The following SLC41A3 variants were observed in gnomAD, a reference collection of about 807,000 sequenced individuals.
SLC41A3 encodes the protein solute carrier family 41 member 3.
Under a neutral mutation model 45.4 loss-of-function variants are expected in SLC41A3, and 44 were observed. The observed-to-expected ratio is 0.97, with a 90% CI of 0.76 to 1.25. The LOEUF is 1.25. Ranked by LOEUF, SLC41A3 falls within the 50% of genes most tolerant of loss-of-function variation. The probability of loss-of-function intolerance (pLI) is 0.00; values close to 1 mark genes in which losing one functional copy is unlikely to be tolerated. For synonymous variants in SLC41A3, 256 were observed against 252.4 expected, an observed-to-expected ratio of 1.01 and a Z score of -0.13; for missense variants, 550 against 600.6, an observed-to-expected ratio of 0.92 and a Z score of 0.88.
intron 1 of SLC41A3, among the ~76,000 whole-genome samples, chr3:126,097,394 C>G (rs1169646539): frequency 6.6e-6 from 1 of 152,148 alleles, no homozygotes; most frequent in African/African-American, 2.4e-5. Flanking sequence ...ATGGCCTCTC[C>G]CTGGCGCTGT....
At chr3:126,084,205 G>C (rs1452829532), upstream of SLC41A3, 1 of 151,984 alleles carries the variant, frequency 6.6e-6, no homozygotes, top group Non-Finnish European at 1.5e-5. Context: ...GCCCCGGCCG[G>C]GCGGCCGGAC....
At chr3:126,008,341 T>C (rs1301065710) in intron 10 of SLC41A3, among the ~76,000 whole-genome samples, 1 of 152,154 alleles carries the variant, frequency 6.6e-6, no homozygotes, top group African/African-American at 2.4e-5. Flanking sequence ...ATGCAGTGTG[T>C]AGTGTGTGTG....
intron 6 of SLC41A3, among the ~76,000 whole-genome samples, chr3:126,017,761 T>C (rs780214488): frequency 6.6e-4 from 101 of 152,104 alleles, no homozygotes; most frequent in Non-Finnish European, 1.2e-3. Context: ...CTGGGGGTGT[T>C]ATCAGGAACA....
intron 3 of SLC41A3, among the ~76,000 whole-genome samples, chr3:126,046,902 C>T (rs1942996132): frequency 6.9e-6 from 1 of 145,132 alleles, no homozygotes; most frequent in Admixed American, 7.1e-5. Flanking sequence ...GTGGAGGTTG[C>T]AGTGAGTTGA....
intron 3 of SLC41A3, among the ~76,000 whole-genome samples, chr3:126,035,830 C>T (rs533151161): frequency 1.3e-5 from 2 of 152,114 alleles, no homozygotes; most frequent in South Asian, 4.2e-4. Flanking sequence ...TGTTTGTCGC[C>T]ACCCACGAGG....
chr3:126,032,254 T>A (rs1207770343), intron 4 of SLC41A3, among the ~76,000 whole-genome samples: 1 of 152,170 alleles, frequency 6.6e-6, no homozygotes, highest in Non-Finnish European at 1.5e-5. Flanking sequence ...GCCACCCAGG[T>A]GGCCAGGAGG....
At chr3:126,080,127 T>C (rs1945078325) in intron 1 of SLC41A3, among the ~76,000 whole-genome samples, 1 of 152,156 alleles carries the variant, frequency 6.6e-6, no homozygotes, top group South Asian at 2.1e-4. Context: ...TAGAAAATAT[T>C]GGGGAAATTT....
At chr3:126,049,083 G>A (rs893570484) in intron 3 of SLC41A3, among the ~76,000 whole-genome samples, 13 of 150,680 alleles carry the variant, frequency 8.6e-5, no homozygotes, top group East Asian at 3.9e-4. Context: ...GGTGGATCAC[G>A]AGGTCGGAAG....
Position 126,016,867 on chromosome 3 carries a change from A to G in SLC41A3, c.754T>C (p.Tyr252His). 1 of 1,612,336 alleles carries G rather than the reference A, an allele frequency of 6.2e-7. No individual in the cohort carries two copies. The highest frequency in any genetic ancestry group is 8.5e-7 in the Non-Finnish European group (1 of 1,179,864). ...CTGAGGCAGACCAGCGGCGTCAGAT[A>G]CCGACTATCTGAAAGGAGAACAGGG... ...SFFYRHKDSR[Y>H]LTPLVCLSFA... Residue 252 changes from tyrosine to histidine, a missense_variant, in exon 7 of 11, where the codon TAT (tyrosine) becomes CAT (histidine). Coordinates refer to ENST00000360370, the MANE Select transcript of SLC41A3 (RefSeq NM_017836.4).
intron 3 of SLC41A3, among the ~76,000 whole-genome samples, chr3:126,044,919 A>AAAAAAAC (rs1942862013): frequency 1.4e-5 from 2 of 145,120 alleles, no homozygotes; most frequent in African/African-American, 5.1e-5. Flanking sequence ...AAAAAAAAAA[A>AAAAAAAC]AAAAATCATA....
chr3:126,056,462 C>G (rs763079045), intron 2 of SLC41A3: 1 of 1,614,246 alleles, frequency 6.2e-7, no homozygotes, highest in South Asian at 1.1e-5. Flanking sequence ...TCAGGCAAGA[C>G]CCCATGTGGG....
At chr3:126,012,504 A>G in intron 9 of SLC41A3, 111 bp downstream of exon 9, 1 of 1,430,824 alleles carries the variant, frequency 7.0e-7, no homozygotes, top group South Asian at 1.3e-5. Context: ...GTGTGCCGAG[A>G]TCAGCCCTGG....
intron 6 of SLC41A3, among the ~76,000 whole-genome samples, chr3:126,021,017 G>C (rs924903399): frequency 7.3e-5 from 11 of 151,696 alleles, no homozygotes; most frequent in Admixed American, 3.9e-4. Context: ...GCCTCAGCCT[G>C]CCGAGTAGCT....
intron 2 of SLC41A3, among the ~76,000 whole-genome samples, chr3:126,053,218 G>A (rs1443811785): frequency 1.3e-5 from 2 of 152,176 alleles, no homozygotes; most frequent in Non-Finnish European, 2.9e-5. Flanking sequence ...ATGCAGTCAT[G>A]AGGGTGGGTC....
chr3:126,012,656 T>C lies in SLC41A3; in HGVS notation c.1064A>G (p.Lys355Arg), dbSNP rs748461940. Residue 355 changes from lysine to arginine, a missense_variant, in exon 9 of 11, where the codon AAG (lysine) becomes AGG (arginine). Physicochemically the swap from Lys to Arg is conservative, Grantham distance 26. Coordinates refer to ENST00000360370, the MANE Select transcript of SLC41A3 (RefSeq NM_017836.4). ...SAPGVLPLQM[K>R]KFWPNPCSTF... ...AGAACACGGGTTGGGCCAGAATTTC[T>C]TCATCTGGAGGGGCAGGACGCCAGG... is the stretch of plus-strand genomic sequence containing the variant. 1 of 1,614,214 alleles carries C rather than the reference T, an allele frequency of 6.2e-7. No individual in the cohort carries two copies. Among genetic ancestry groups the C allele is most frequent in the East Asian group, 2.2e-5 (1 of 44,884 alleles).
At chr3:126,009,795 G>T (rs1012866569) in intron 9 of SLC41A3, among the ~76,000 whole-genome samples, 1 of 152,196 alleles carries the variant, frequency 6.6e-6, no homozygotes, top group African/African-American at 2.4e-5. Flanking sequence ...TTGGAAGTTG[G>T]TGTGAGAACT....
At chr3:126,074,724 A>C (rs1157644847) in intron 1 of SLC41A3, among the ~76,000 whole-genome samples, 1 of 152,048 alleles carries the variant, frequency 6.6e-6, no homozygotes, top group East Asian at 1.9e-4. Flanking sequence ...TCTGTCACCT[A>C]GGCAGGAGTG....
chr3:126,082,881 G>C (rs926041210), intron 1 of SLC41A3, among the ~76,000 whole-genome samples: 6 of 152,208 alleles, frequency 3.9e-5, no homozygotes, highest in African/African-American at 1.4e-4. Flanking sequence ...AGGCCGCCAG[G>C]ACCTCTGGGC....
intron 6 of SLC41A3, among the ~76,000 whole-genome samples, chr3:126,021,051 T>C (rs754819858): frequency 1.7e-4 from 26 of 152,234 alleles, no homozygotes; most frequent in African/African-American, 2.6e-4. Context: ...CCCGCCACCA[T>C]GCCTTGCTAA....
Sources: allele counts gnomAD v4.1 joint callset (sites outside exome capture counted in the v4.1 genomes callset), GRCh38; gene constraint gnomAD v4.1.1; transcripts MANE v1.5; gene names NCBI Gene and HGNC (gene_info 2026-07-23, HGNC 2026-07-21).